Variants in MARCHF1 observed in about 807,000 individuals in gnomAD.
MARCHF1 encodes the protein membrane associated ring-CH-type finger 1.
Under a neutral mutation model 54.2 loss-of-function variants are expected in MARCHF1, and 40 were observed. The observed-to-expected ratio is 0.74, with a 90% CI of 0.57 to 0.96. MARCHF1 has a LOEUF of 0.96. Among genes scored for constraint, MARCHF1 ranks in the 40% least tolerant of loss-of-function variants. The pLI is 0.00. For missense variants in MARCHF1, 586 were observed against 656.5 expected (o/e 0.89, Z 1.17); for synonymous variants, 236 against 236.3 (o/e 1.00, Z 0.01).
Position 164,210,357 on chromosome 4 carries a change from A to G in MARCHF1, c.-322-98695T>C, listed in dbSNP as rs527239523. On this transcript the variant is annotated intron_variant, in intron 1 of 9. Coordinates refer to ENST00000514618, the MANE Select transcript of MARCHF1 (RefSeq NM_001394959.1). ...AAGATGCAGAACAGAGATATCAAAG[A>G]TAATTACTCAGTGTCTAGCATGAGC... 4.6e-5 allele frequency among the ~76,000 whole-genome samples: 7 copies of G among 152,324 alleles called. No individual in the cohort carries two copies. In the South Asian group the frequency reaches 1.0e-3, roughly 23 times the overall value.
intron 3 of MARCHF1, among the ~76,000 whole-genome samples, chr4:163,961,372 T>A (rs1752343679): frequency 6.6e-6 from 1 of 152,032 alleles, no homozygotes; most frequent in Non-Finnish European, 1.5e-5. Context: ...ATATTTAAAA[T>A]GAGTTCTAAT....
intron 4 of MARCHF1, among the ~76,000 whole-genome samples, chr4:163,845,737 GT>G (rs1749467148): frequency 6.6e-6 from 1 of 152,062 alleles, no homozygotes; most frequent in Non-Finnish European, 1.5e-5. Context: ...ACTTTACTCC[GT>G]AGAGGAAACG....
At chr4:164,096,570 TA>T (rs70948698) in intron 2 of MARCHF1, among the ~76,000 whole-genome samples, 37,292 of 150,674 alleles carry the variant, frequency 0.25, 4,797 homozygotes, top group Non-Finnish European at 0.29. Flanking sequence ...TATCTAAAAT[TA>T]AAAAAAAAAT....
intron 1 of MARCHF1, among the ~76,000 whole-genome samples, chr4:164,207,554 CT>C (rs1427923171): frequency 2.0e-5 from 3 of 152,110 alleles, no homozygotes; most frequent in African/African-American, 7.2e-5. Flanking sequence ...GAGATAAAAC[CT>C]CACTGAAGGT....
intron 3 of MARCHF1, among the ~76,000 whole-genome samples, chr4:163,896,741 C>G (rs563026525): frequency 1.2e-3 from 183 of 152,236 alleles, no homozygotes; most frequent in Non-Finnish European, 2.1e-3. Flanking sequence ...GAGAATTGAA[C>G]AAAATGGGAA....
intron 5 of MARCHF1, 174 bp from the exon 6 acceptor site, chr4:163,613,567 T>C: frequency 6.6e-7 from 1 of 1,524,296 alleles, no homozygotes; most frequent in Non-Finnish European, 8.8e-7. Flanking sequence ...AAAGTAAAAC[T>C]TATTTGAGGA....
chr4:164,249,345 G>A (rs188786808), intron 1 of MARCHF1, among the ~76,000 whole-genome samples: 19 of 152,184 alleles, frequency 1.2e-4, no homozygotes, highest in African/African-American at 4.3e-4. Context: ...GATTTTTGAT[G>A]TATGGGAATG....
At chr4:163,767,625 T>C (rs1169135674) in intron 4 of MARCHF1, among the ~76,000 whole-genome samples, 5 of 152,122 alleles carry the variant, frequency 3.3e-5, no homozygotes, top group Non-Finnish European at 7.4e-5. Context: ...TGAGCCACCG[T>C]GCCCAGCCAA....
intron 4 of MARCHF1, among the ~76,000 whole-genome samples, chr4:163,767,098 T>TAAAAAAAAAAA (rs530799338): frequency 9.4e-6 from 1 of 106,702 alleles, no homozygotes; most frequent in Non-Finnish European, 1.9e-5. Flanking sequence ...TACGGCGATG[T>TAAAAAAAAAAA]AAAAAAAAAA....
intron 3 of MARCHF1, among the ~76,000 whole-genome samples, chr4:163,968,923 C>T (rs182657307): frequency 1.6e-4 from 25 of 152,188 alleles, no homozygotes; most frequent in African/African-American, 5.5e-4. Context: ...CTTAATTGCT[C>T]CCCCAGGCTT....
At chr4:163,879,444 T>C (rs1750365911) in intron 3 of MARCHF1, among the ~76,000 whole-genome samples, 1 of 152,196 alleles carries the variant, frequency 6.6e-6, no homozygotes, top group Non-Finnish European at 1.5e-5. Context: ...AATAAATCAA[T>C]TTTACATTAT....
chr4:163,645,035 T>G (rs562906036), intron 5 of MARCHF1, among the ~76,000 whole-genome samples: 1 of 152,248 alleles, frequency 6.6e-6, no homozygotes, highest in Admixed American at 6.5e-5. Context: ...CAGTACTGCC[T>G]GCCCAGGGAC....
At chr4:164,302,316 G>GT in intron 1 of MARCHF1, among the ~76,000 whole-genome samples, 1 of 151,844 alleles carries the variant, frequency 6.6e-6, no homozygotes, top group Admixed American at 6.5e-5. Context: ...TAAATACACT[G>GT]TTCCATTGTT....
intron 3 of MARCHF1, among the ~76,000 whole-genome samples, chr4:163,892,131 T>G (rs1260180822): frequency 6.6e-6 from 1 of 152,186 alleles, no homozygotes; most frequent in Non-Finnish European, 1.5e-5. Flanking sequence ...CTCAACTAGA[T>G]TCACATTTTA....
chr4:163,917,838 C>T (rs960215749), intron 3 of MARCHF1, among the ~76,000 whole-genome samples: 3 of 152,086 alleles, frequency 2.0e-5, no homozygotes. Context: ...AAAATTTTCT[C>T]CCACTTTTTA....
chr4:164,293,790 T>C (rs1352495726), intron 1 of MARCHF1, among the ~76,000 whole-genome samples: 2 of 152,222 alleles, frequency 1.3e-5, no homozygotes, highest in East Asian at 3.8e-4. Context: ...CATGCATTAG[T>C]TCCTCTGCCC....
At chr4:164,071,093 G>T (rs555177610) in intron 2 of MARCHF1, among the ~76,000 whole-genome samples, 3 of 152,120 alleles carry the variant, frequency 2.0e-5, no homozygotes, top group Admixed American at 2.0e-4. Flanking sequence ...TTTGTTCCCA[G>T]TTTCGAGTAT....
chr4:164,330,075 C>A (rs571185424), intron 1 of MARCHF1: 2 of 151,776 alleles, frequency 1.3e-5, no homozygotes, highest in Non-Finnish European at 1.5e-5. Flanking sequence ...GTGACCACAG[C>A]AAAATACTCT....
At chr4:164,037,289 A>G (rs1754026091) in intron 2 of MARCHF1, among the ~76,000 whole-genome samples, 1 of 152,200 alleles carries the variant, frequency 6.6e-6, no homozygotes, top group Admixed American at 6.5e-5. Flanking sequence ...TGATATTTAA[A>G]GTCATGCCAC....
Sources: gnomAD v4.1 joint callset for allele counts (sites outside exome capture counted in the v4.1 genomes callset) on GRCh38, gnomAD v4.1.1 for gene constraint, MANE v1.5 for transcripts, NCBI Gene and HGNC (gene_info 2026-07-23, HGNC 2026-07-21) for gene names.